The following CFAP52 variants were observed in gnomAD, a reference collection of about 807,000 sequenced individuals.
The protein encoded by CFAP52 is cilia- and flagella-associated protein 52.
In CFAP52, 57 loss-of-function variants were observed where a neutral mutation model predicts 70.5. The ratio of observed to expected loss-of-function variants is 0.81; its 90% confidence interval spans 0.65 to 1.01. The LOEUF (loss-of-function observed/expected upper bound fraction) is 1.01, where lower values mean the gene tolerates loss of function less well. Among genes scored for constraint, CFAP52 ranks in the 50% least tolerant of loss-of-function variants. The pLI, the probability that CFAP52 is intolerant of heterozygous loss-of-function variation, is 0.00. For synonymous variants in CFAP52, 267 were observed against 292.5 expected, an observed-to-expected ratio of 0.91 and a Z score of 0.89; for missense variants, 785 against 788.5, an observed-to-expected ratio of 1.00 and a Z score of 0.05.
Position 9,636,179 on chromosome 17 carries a change from A to AAAAGAAAGAAAGAAAGAAAG in CFAP52, c.1472+677_1472+696dup, listed in dbSNP as rs60584008. ...ACAAGAGTGAAACTCTGTCTCAAAA[A>AAAAGAAAGAAAGAAAGAAAG]AAAGAAAGAAAGAAAGAAAGAAAGA... On this transcript the variant is annotated intron_variant, in intron 11 of 13. Transcript: ENST00000352665. Among the ~76,000 whole-genome samples the AAAAGAAAGAAAGAAAGAAAG allele has an allele frequency of 1.5e-3, 147 of 99,166 alleles. 1 individual carries two copies. Among genetic ancestry groups the AAAAGAAAGAAAGAAAGAAAG allele is most frequent in the Middle Eastern group, 4.9e-3 (1 of 204 alleles). 65.1% of individuals were successfully genotyped at this position (99,166 alleles called of 152,430 possible).
chr17:9,631,020 A>AGAGAG (rs1567634788), intron 9 of CFAP52, among the ~76,000 whole-genome samples: 1 of 39,318 alleles, frequency 2.5e-5, no homozygotes, highest in African/African-American at 1.7e-4. Context: ...GAAAGAAAGA[A>AGAGAG]AGAAAGAAAG....
At chr17:9,631,024 A>AGAGAG (rs1567634806) in intron 9 of CFAP52, among the ~76,000 whole-genome samples, 23 of 30,070 alleles carry the variant, frequency 7.6e-4, no homozygotes, top group African/African-American at 3.3e-3. Context: ...GAAAGAAAGA[A>AGAGAG]AGAAAGAGAG....
chr17:9,628,362 C>A (rs1232370831), intron 8 of CFAP52, among the ~76,000 whole-genome samples: 4 of 151,748 alleles, frequency 2.6e-5, no homozygotes, highest in Non-Finnish European at 4.4e-5. Flanking sequence ...TCATTGCAAC[C>A]TTTGCCTTCC....
Position 9,585,773 on chromosome 17 carries a change from G to T in CFAP52, c.71G>T (p.Gly24Val), listed in dbSNP as rs1410462692. The T allele has an allele frequency of 1.2e-6, 2 of 1,613,946 alleles. No individual in the cohort carries two copies. The highest frequency in any genetic ancestry group is 1.7e-5 in the Admixed American group (1 of 59,988). The change falls in exon 2 of 14, where the codon GGA becomes GTA. Residue 24 changes from glycine (G) to valine (V), a missense_variant and splice_region_variant. Physicochemically the swap from Gly to Val is moderately radical, Grantham distance 109. Coordinates refer to ENST00000352665, the MANE Select transcript of CFAP52 (RefSeq NM_145054.5). Reference sequence around the variant, plus strand: ...ATTACTGTGAATCTCTCTCTTTTAGGACATGTGCCCACTGGTCTCAAATGC... The same window carrying T: ...ATTACTGTGAATCTCTCTCTTTTAGTACATGTGCCCACTGGTCTCAAATGC... ...LELDAVIGFN[G>V]HVPTGLKCHP...
rs542086100 is a variant in CFAP52, at chr17:9,610,404, G to A, written c.855-1905G>A. On this transcript the variant is annotated intron_variant, in intron 7 of 13. Coordinates refer to ENST00000352665, the MANE Select transcript of CFAP52 (RefSeq NM_145054.5). ...GACAGTGCAGAATTAAATCAGATGC[G>A]GTGGTTTCCACCTGCTGGGCTTTTT... The A allele has an allele frequency of 3.3e-5, 5 of 152,230 alleles. No individual in the cohort carries two copies. In the East Asian group the frequency reaches 5.8e-4, roughly 18 times the overall value. 9.4% of individuals were successfully genotyped at this position (152,230 alleles called of 1,614,324 possible).
At chr17:9,591,937 T>C (rs1908779163) in intron 3 of CFAP52, among the ~76,000 whole-genome samples, 2 of 152,166 alleles carry the variant, frequency 1.3e-5, no homozygotes, top group African/African-American at 4.8e-5. Flanking sequence ...ATAAAGAAAC[T>C]GTGCTGTCCT....
chr17:9,644,357 G>T (rs1198723289), downstream of CFAP52, among the ~76,000 whole-genome samples: 1 of 152,076 alleles, frequency 6.6e-6, no homozygotes, highest in Non-Finnish European at 1.5e-5. Context: ...CGCCCGTCTC[G>T]GCCTCCCAAG....
chr17:9,606,070 TA>T (rs201508680), intron 6 of CFAP52, among the ~76,000 whole-genome samples: 1 of 151,680 alleles, frequency 6.6e-6, no homozygotes, highest in African/African-American at 2.4e-5. Flanking sequence ...AAAACTGCTC[TA>T]AAAAAAATAG....
intron 12 of CFAP52, among the ~76,000 whole-genome samples, chr17:9,641,401 C>T (rs1256158229): frequency 6.6e-6 from 1 of 152,168 alleles, no homozygotes; most frequent in Non-Finnish European, 1.5e-5. Flanking sequence ...TGAAGCTTAG[C>T]TGTGGATGCA....
chr17:9,595,799 G>T (rs1191118307), intron 4 of CFAP52, among the ~76,000 whole-genome samples: 1 of 151,352 alleles, frequency 6.6e-6, no homozygotes, highest in Admixed American at 6.6e-5. Context: ...CCAGTGCCAT[G>T]TATTCCACTA....
At chr17:9,632,076 A>AC (rs111578073) in intron 9 of CFAP52, among the ~76,000 whole-genome samples, 33 of 129,982 alleles carry the variant, frequency 2.5e-4, no homozygotes, top group Non-Finnish European at 4.2e-4. Context: ...CCCAGCCTCC[A>AC]CTTTTTTTTT....
In CFAP52 at chr17:9,643,076, C is replaced by T. The variant is rs1911155169; in HGVS notation, c.1741C>T (p.His581Tyr). 2 of 1,611,936 alleles carry T rather than the reference C, an allele frequency of 1.2e-6. No individual in the cohort carries two copies. Among genetic ancestry groups the T allele is most frequent in the Admixed American group, 1.7e-5 (1 of 59,636 alleles). Residue 581 changes from histidine (H) to tyrosine (Y), a missense_variant, in exon 14 of 14, where the codon CAC (histidine) becomes TAC (tyrosine). Transcript: ENST00000352665. ...GGATTATAATGAGGGTGAAGTGACT[C>T]ACGTTGGGGTGGGACACAGTGGCAA... ...VWDYNEGEVT[H>Y]VGVGHSGNIT... is the part of the protein sequence containing the mutation.
chr17:9,585,670 C>A (rs1364205485), intron 1 of CFAP52, 103 bp from the exon 2 acceptor site: 4 of 678,370 alleles, frequency 5.9e-6, no homozygotes, highest in Non-Finnish European at 8.8e-6. Flanking sequence ...AAGACTCTGT[C>A]ACACACACAC....
chr17:9,622,544 T>TAA (rs766869580), intron 8 of CFAP52, among the ~76,000 whole-genome samples: 3 of 146,428 alleles, frequency 2.0e-5, no homozygotes, highest in African/African-American at 5.0e-5. Context: ...CTGTTTCTAT[T>TAA]AAAAAAAAAA....
chr17:9,614,151 T>G (rs1461881622), intron 8 of CFAP52, among the ~76,000 whole-genome samples: 3 of 125,752 alleles, frequency 2.4e-5, no homozygotes, highest in Non-Finnish European at 4.7e-5. Flanking sequence ...TTTCTTTTCT[T>G]TCTTTCTTTT....
chr17:9,602,526 T>C (rs760551631), intron 6 of CFAP52, among the ~76,000 whole-genome samples: 32 of 152,334 alleles, frequency 2.1e-4, no homozygotes, highest in Non-Finnish European at 3.2e-4. Flanking sequence ...CAGTCTATCA[T>C]TGATGGACAT....
At chr17:9,642,950 C>A in intron 13 of CFAP52, 73 bp from the exon 14 acceptor site, 3 of 1,255,958 alleles carry the variant, frequency 2.4e-6, no homozygotes, top group Middle Eastern at 2.0e-4. Context: ...GAAAATGATC[C>A]AGTTATTTGA....
intron 6 of CFAP52, among the ~76,000 whole-genome samples, chr17:9,600,661 T>C (rs891685214): frequency 3.3e-5 from 5 of 152,076 alleles, no homozygotes; most frequent in African/African-American, 9.7e-5. Context: ...GCCTCCTGGG[T>C]TCACGCCATT....
At chr17:9,582,910 T>C (rs1437300693) in intron 1 of CFAP52, among the ~76,000 whole-genome samples, 4 of 152,266 alleles carry the variant, frequency 2.6e-5, no homozygotes, top group Admixed American at 1.3e-4. Flanking sequence ...GTGCTGGGAT[T>C]ACAGGCATGA....
Sources: allele counts gnomAD v4.1 joint callset (sites outside exome capture counted in the v4.1 genomes callset), GRCh38; gene constraint gnomAD v4.1.1; transcripts MANE v1.5; gene names NCBI Gene and HGNC (gene_info 2026-07-23, HGNC 2026-07-21).